COL8A1: variants seen among roughly 807,000 people sequenced by gnomAD.
The protein encoded by COL8A1 is collagen alpha-1(VIII) chain.
A neutral mutation model predicts 42.7 loss-of-function variants in COL8A1; 21 were observed. The observed-to-expected ratio is 0.49, with a 90% CI of 0.35 to 0.71. The LOEUF is 0.71. Ranked by LOEUF, COL8A1 falls within the 30% of genes least tolerant of loss-of-function variation. COL8A1 has a pLI of 0.01. For synonymous variants in COL8A1, 367 were observed against 369.1 expected (o/e 0.99, Z 0.06); for missense variants, 788 against 962.4 (o/e 0.82, Z 2.40).
intron 1 of COL8A1, among the ~76,000 whole-genome samples, chr3:99,669,146 T>TATATATATATATATATATATATAG: frequency 9.5e-5 from 11 of 115,382 alleles, no homozygotes; most frequent in African/African-American, 1.8e-4. Context: ...TATATATATA[T>TATATATATATATATATATATATAG]AGAGGGAGAG....
chr3:99,662,381 C>CAAA (rs11394075), intron 1 of COL8A1, among the ~76,000 whole-genome samples: 4,396 of 125,952 alleles, frequency 0.035, 123 homozygotes, highest in African/African-American at 0.067. Context: ...GACTTTGTCT[C>CAAA]AAAAAAAAAA....
chr3:99,780,544 G>A (rs956457450), intron 2 of COL8A1, among the ~76,000 whole-genome samples: 2 of 152,178 alleles, frequency 1.3e-5, no homozygotes, highest in African/African-American at 4.8e-5. Flanking sequence ...AAGACTCTGA[G>A]TGTCCCATCT....
chr3:99,716,551 A>C (rs1397580343), intron 1 of COL8A1, among the ~76,000 whole-genome samples: 1 of 152,070 alleles, frequency 6.6e-6, no homozygotes, highest in Non-Finnish European at 1.5e-5. Flanking sequence ...TAAGAATTTC[A>C]ATCAGCATAG....
chr3:99,763,730 T>A (rs1941407631), intron 2 of COL8A1, among the ~76,000 whole-genome samples: 1 of 152,180 alleles, frequency 6.6e-6, no homozygotes, highest in East Asian at 1.9e-4. Context: ...CCCAGTACCA[T>A]GTTCTGCTTC....
intron 1 of COL8A1, 33 bp from the exon 2 acceptor site, chr3:99,744,864 T>G (rs1016512574): frequency 3.3e-5 from 5 of 152,256 alleles, no homozygotes; most frequent in Non-Finnish European, 5.9e-5. Flanking sequence ...TTTAATTGCC[T>G]TGAGTAAAAG....
At chr3:99,699,857 C>T (rs866226792) in intron 1 of COL8A1, among the ~76,000 whole-genome samples, 25 of 151,990 alleles carry the variant, frequency 1.6e-4, no homozygotes, top group Non-Finnish European at 2.9e-4. Flanking sequence ...ACAAACATAC[C>T]GTCTTTTTTA....
chr3:99,668,294 A>G (rs1203234475), intron 1 of COL8A1, among the ~76,000 whole-genome samples: 2 of 152,174 alleles, frequency 1.3e-5, no homozygotes, highest in Admixed American at 1.3e-4. Flanking sequence ...GTTAAATGTC[A>G]TGCTACATGT....
intron 1 of COL8A1, among the ~76,000 whole-genome samples, chr3:99,677,369 T>A (rs1042772157): frequency 1.3e-5 from 2 of 152,112 alleles, no homozygotes; most frequent in African/African-American, 2.4e-5. Flanking sequence ...AAATGCAAAA[T>A]ATCACAGCTA....
chr3:99,694,678 T>A (rs967750951), intron 1 of COL8A1, among the ~76,000 whole-genome samples: 1 of 152,232 alleles, frequency 6.6e-6, no homozygotes, highest in African/African-American at 2.4e-5. Flanking sequence ...CATTCTTCAA[T>A]TCTTTGCTAC....
At chr3:99,780,511 T>A (rs1178233823) in intron 2 of COL8A1, among the ~76,000 whole-genome samples, 1 of 152,186 alleles carries the variant, frequency 6.6e-6, no homozygotes, top group African/African-American at 2.4e-5. Context: ...TACAAGGATA[T>A]CATGATAGAG....
chr3:99,780,224 C>A (rs1941770185), intron 2 of COL8A1, among the ~76,000 whole-genome samples: 1 of 152,164 alleles, frequency 6.6e-6, no homozygotes. Context: ...ATAATGTTAT[C>A]ATCAGCAGCA....
intron 2 of COL8A1, among the ~76,000 whole-genome samples, chr3:99,761,147 T>G (rs1010948056): frequency 5.3e-5 from 8 of 152,152 alleles, no homozygotes; most frequent in Non-Finnish European, 7.4e-5. Context: ...TGAATAAACT[T>G]GAGGGGTAGA....
intron 2 of COL8A1, among the ~76,000 whole-genome samples, chr3:99,773,833 ATATATTTTTT>A (rs1290254677): frequency 4.2e-5 from 3 of 71,658 alleles, no homozygotes; most frequent in African/African-American, 1.9e-4. Flanking sequence ...ATATATATAT[ATATATTTTTT>A]TTTTTTTTTT....
At chr3:99,709,016 G>T (rs947783228) in intron 1 of COL8A1, among the ~76,000 whole-genome samples, 5 of 151,826 alleles carry the variant, frequency 3.3e-5, no homozygotes, top group African/African-American at 1.2e-4. Flanking sequence ...GGACAAGCAG[G>T]CTTAACACCC....
chr3:99,703,222 G>C (rs1205487728), intron 1 of COL8A1: 1 of 152,188 alleles, frequency 6.6e-6, no homozygotes, highest in Non-Finnish European at 1.5e-5. Flanking sequence ...GTTTAGATTA[G>C]ACTCCAAGGA....
At chr3:99,759,106 C>CTTTTTT (rs372727265) in intron 2 of COL8A1, among the ~76,000 whole-genome samples, 7 of 139,536 alleles carry the variant, frequency 5.0e-5, no homozygotes, top group Non-Finnish European at 4.6e-5. Flanking sequence ...GAGCCTGTTC[C>CTTTTTT]TTTTTTTTTT....
chr3:99,791,341 G>A (rs923546070), intron 3 of COL8A1, among the ~76,000 whole-genome samples: 1 of 152,116 alleles, frequency 6.6e-6, no homozygotes, highest in African/African-American at 2.4e-5. Context: ...CAGGCTCTGG[G>A]CCAGATGCTG....
chr3:99,674,646 C>T (rs1176937189), intron 1 of COL8A1, among the ~76,000 whole-genome samples: 1 of 152,014 alleles, frequency 6.6e-6, no homozygotes, highest in African/African-American at 2.4e-5. Flanking sequence ...GAAATTGTCC[C>T]TGGCAAACAC....
intron 1 of COL8A1, among the ~76,000 whole-genome samples, chr3:99,653,993 A>G (rs1937934124): frequency 6.6e-6 from 1 of 152,126 alleles, no homozygotes; most frequent in Non-Finnish European, 1.5e-5. Flanking sequence ...CAAGTCCCAA[A>G]ACCTCAAAAG....
Sources: gnomAD v4.1 joint callset for allele counts (sites outside exome capture counted in the v4.1 genomes callset) on GRCh38, gnomAD v4.1.1 for gene constraint, MANE v1.5 for transcripts, NCBI Gene and HGNC (gene_info 2026-07-23, HGNC 2026-07-21) for gene names.